The following FAM53B variants were observed in gnomAD, a reference collection of about 807,000 sequenced individuals.
The protein encoded by FAM53B is protein FAM53B.
A neutral mutation model predicts 32.7 loss-of-function variants in FAM53B; 12 were observed. The observed-to-expected ratio is 0.37, with a 90% CI of 0.24 to 0.59. FAM53B has a LOEUF of 0.59. FAM53B is among the 20% of genes least tolerant of loss of function. FAM53B has a pLI of 0.72. For synonymous variants in FAM53B, 234 were observed against 228.7 expected, an observed-to-expected ratio of 1.02 and a Z score of -0.21; for missense variants, 477 against 577.7, an observed-to-expected ratio of 0.83 and a Z score of 1.79.
At chr10:124,681,497 C>G (rs1233704972) in intron 4 of FAM53B, 110 bp downstream of exon 4, 2 of 934,900 alleles carry the variant, frequency 2.1e-6, no homozygotes, top group African/African-American at 3.3e-5. Context: ...GGAAATTAAC[C>G]CACTCCTGGG....
intron 4 of FAM53B, among the ~76,000 whole-genome samples, chr10:124,643,823 C>T (rs1433080415): frequency 2.6e-5 from 4 of 152,304 alleles, no homozygotes; most frequent in East Asian, 1.9e-4. Flanking sequence ...GCTCCTGGAG[C>T]GGCCAGCAGG....
chr10:124,710,165 C>T (rs998675875), intron 1 of FAM53B, among the ~76,000 whole-genome samples: 9 of 152,236 alleles, frequency 5.9e-5, no homozygotes, highest in Non-Finnish European at 1.2e-4. Flanking sequence ...TAGAGAGAGA[C>T]TCAAACCAGA....
chr10:124,739,016 C>T (rs1363303894), intron 1 of FAM53B, among the ~76,000 whole-genome samples: 1 of 146,746 alleles, frequency 6.8e-6, no homozygotes, highest in Non-Finnish European at 1.5e-5. Context: ...TCCTACAGTA[C>T]ATACAGATTC....
intron 4 of FAM53B, among the ~76,000 whole-genome samples, chr10:124,664,445 G>A (rs559279624): frequency 5.3e-5 from 8 of 152,340 alleles, no homozygotes; most frequent in South Asian, 2.1e-4. Context: ...ACACTGGGCC[G>A]GGAAGGCAGA....
chr10:124,716,506 C>T (rs565908569), intron 1 of FAM53B, among the ~76,000 whole-genome samples: 30 of 152,262 alleles, frequency 2.0e-4, no homozygotes, highest in Non-Finnish European at 4.0e-4. Context: ...TATTCAGGGA[C>T]ATAAAAGTGC....
At chr10:124,635,120 T>A (rs1949420782) in intron 4 of FAM53B, among the ~76,000 whole-genome samples, 1 of 152,124 alleles carries the variant, frequency 6.6e-6, no homozygotes, top group African/African-American at 2.4e-5. Flanking sequence ...GGAGACAGAG[T>A]CTTGCTCTGT....
chr10:124,648,312 T>TGG, intron 4 of FAM53B, among the ~76,000 whole-genome samples: 1 of 152,294 alleles, frequency 6.6e-6, no homozygotes, highest in East Asian at 1.9e-4. Context: ...GAGGGACAGA[T>TGG]GGGCAGTGGG....
chr10:124,691,879 C>T (rs1355732508), intron 3 of FAM53B, among the ~76,000 whole-genome samples: 1 of 152,220 alleles, frequency 6.6e-6, no homozygotes, highest in East Asian at 1.9e-4. Flanking sequence ...TCAGCCACAG[C>T]CCAGGCCCCT....
intron 4 of FAM53B, among the ~76,000 whole-genome samples, chr10:124,632,811 G>A (rs1935660621): frequency 2.0e-5 from 3 of 152,210 alleles, no homozygotes; most frequent in South Asian, 4.1e-4. Flanking sequence ...ATGTGCAATC[G>A]CACCCCATCA....
At position 124,623,146 on chromosome 10, in the gene FAM53B, CCCA is replaced by C; in HGVS notation, c.*93_*95del. Reference sequence around the variant, plus strand: ...CACCACTCAGGAAGCTTTCATCAGGCCCACGAGTTGGGCTCCCCTTCAAGGGCC... The same window carrying C: ...CACCACTCAGGAAGCTTTCATCAGGCCGAGTTGGGCTCCCCTTCAAGGGCC... On this transcript the variant is annotated 3_prime_UTR_variant, in exon 5 of 5. Coordinates refer to ENST00000337318, the MANE Select transcript of FAM53B (RefSeq NM_014661.4). 1 of 1,445,780 alleles carries C rather than the reference CCCA, an allele frequency of 6.9e-7. No individual in the cohort carries two copies. The highest frequency in any genetic ancestry group is 2.4e-5 in the East Asian group (1 of 41,946). 89.6% of individuals were successfully genotyped at this position (1,445,780 alleles called of 1,614,324 possible).
chr10:124,691,045 A>C (rs1470156358), intron 3 of FAM53B, among the ~76,000 whole-genome samples: 1 of 152,224 alleles, frequency 6.6e-6, no homozygotes, highest in Non-Finnish European at 1.5e-5. Context: ...AAAAGCACTC[A>C]AGCTCTGAGG....
Position 124,620,416 on chromosome 10 carries a change from G to C in FAM53B, c.*2826C>G, listed in dbSNP as rs184634219. The stretch of plus-strand genomic sequence containing the variant: ...CCCGCGCTTTAGGACCCCATGAGCA[G>C]GCAGATGGCCTGGCACGGCTTGCTT... On this transcript the variant is annotated 3_prime_UTR_variant, in exon 5 of 5. Transcript: ENST00000337318. 6.7e-6 allele frequency: 1 copy of C among 148,320 alleles called. No homozygotes were observed. Among genetic ancestry groups the C allele is most frequent in the African/African-American group, 2.5e-5 (1 of 39,628 alleles). 9.2% of individuals were successfully genotyped at this position (148,320 alleles called of 1,614,324 possible). A position where few individuals can be genotyped will look rare whatever the true frequency, so the allele number is the denominator to read the frequency against.
intron 1 of FAM53B, among the ~76,000 whole-genome samples, chr10:124,723,724 A>G (rs963097584): frequency 1.3e-5 from 2 of 152,156 alleles, no homozygotes; most frequent in Non-Finnish European, 2.9e-5. Context: ...GGCCAGGCAG[A>G]GCCTGGACAG....
Position 124,706,624 on chromosome 10 carries a change from C to A in FAM53B, c.78+12G>T. 1 of 1,614,162 alleles carries A rather than the reference C, an allele frequency of 6.2e-7. No individual in the cohort carries two copies. Among genetic ancestry groups the A allele is most frequent in the Non-Finnish European group, 8.5e-7 (1 of 1,180,018 alleles). On this transcript the variant is annotated intron_variant, in intron 2 of 4. Coordinates refer to ENST00000337318, the MANE Select transcript of FAM53B (RefSeq NM_014661.4). ...ATGGTCATGGAAAGCAGGAAGCCTG[C>A]CAGGTCCTCACCAGTTCACGGCTGA...
intron 4 of FAM53B, among the ~76,000 whole-genome samples, chr10:124,674,130 T>C (rs1052005901): frequency 7.9e-5 from 12 of 152,200 alleles, no homozygotes; most frequent in Non-Finnish European, 1.8e-4. Flanking sequence ...CCGGGACTCA[T>C]ACCCCAGCAG....
intron 4 of FAM53B, among the ~76,000 whole-genome samples, chr10:124,625,589 C>G (rs907228324): frequency 6.6e-6 from 1 of 152,196 alleles, no homozygotes; most frequent in African/African-American, 2.4e-5. Flanking sequence ...TCCTCGCCTG[C>G]CCCTGGCCAG....
chr10:124,684,033 C>T (rs1010305076), intron 3 of FAM53B, among the ~76,000 whole-genome samples: 2 of 152,198 alleles, frequency 1.3e-5, no homozygotes, highest in African/African-American at 4.8e-5. Context: ...GGGCATCCTG[C>T]CAAGGTCAGC....
At chr10:124,654,310 C>A (rs979112358) in intron 4 of FAM53B, among the ~76,000 whole-genome samples, 1 of 152,236 alleles carries the variant, frequency 6.6e-6, no homozygotes. Context: ...CTGGCCCTCC[C>A]AACCCCTGGG....
chr10:124,734,810 C>T (rs1029252004), intron 1 of FAM53B, among the ~76,000 whole-genome samples: 7 of 152,220 alleles, frequency 4.6e-5, no homozygotes, highest in Non-Finnish European at 1.0e-4. Context: ...CCAGCCAGCC[C>T]CAGACTCATG....
Sources: allele counts gnomAD v4.1 joint callset (sites outside exome capture counted in the v4.1 genomes callset), GRCh38; gene constraint gnomAD v4.1.1; transcripts MANE v1.5; gene names NCBI Gene and HGNC (gene_info 2026-07-23, HGNC 2026-07-21).